Variants in IMMP1L observed in about 807,000 individuals in gnomAD.
IMMP1L encodes the protein mitochondrial inner membrane protease subunit 1.
IMMP1L carries 24 observed loss-of-function variants against 21.8 expected under a neutral mutation model. The observed-to-expected ratio is 1.10, with a 90% CI of 0.80 to 1.55. The LOEUF (loss-of-function observed/expected upper bound fraction) is 1.55, where lower values mean the gene tolerates loss of function less well. Ranked by LOEUF, IMMP1L falls within the 40% of genes most tolerant of loss-of-function variation. The pLI, the probability that IMMP1L is intolerant of heterozygous loss-of-function variation, is 0.00. For synonymous variants in IMMP1L, 46 were observed against 62.8 expected (o/e 0.73, Z 1.26); for missense variants, 195 against 200.7 (o/e 0.97, Z 0.17).
chr11:31,482,654 T>C lies in IMMP1L; in HGVS notation c.-29-19349A>G, dbSNP rs959946286. On this transcript the variant is annotated intron_variant, in intron 1 of 5. Coordinates refer to ENST00000532287, the MANE Select transcript of IMMP1L (RefSeq NM_001304274.2). ...AGTAAAATCATTACGGTACACTACT[T>C]TGTACCCACCAGAATTGGAAAAATG... is the stretch of plus-strand genomic sequence containing the variant. Among the ~76,000 whole-genome samples the C allele has an allele frequency of 3.9e-5, 6 of 151,958 alleles. No homozygotes were observed. The East Asian group carries it at 1.2e-3, about 29-fold the overall frequency.
chr11:31,470,537 C>T (rs1043960016), intron 1 of IMMP1L, among the ~76,000 whole-genome samples: 5 of 150,622 alleles, frequency 3.3e-5, no homozygotes, highest in African/African-American at 1.2e-4. Flanking sequence ...AAGACAATAA[C>T]AAAAATATTT....
At position 31,432,537 on chromosome 11, in the gene IMMP1L, C is replaced by A. The variant is rs372412278; in HGVS notation, c.464G>T (p.Arg155Leu). The A allele has an allele frequency of 2.2e-5, 35 of 1,612,974 alleles. No homozygotes were observed. Among genetic ancestry groups the A allele is most frequent in the Admixed American group, 3.3e-5 (2 of 59,990 alleles). The change falls in exon 6 of 6, where the codon CGT becomes CTT. Residue 155 changes from arginine to leucine, a missense_variant. Physicochemically the swap from Arg to Leu is moderately radical, Grantham distance 102 (BLOSUM62 -2). Coordinates refer to ENST00000532287, the MANE Select transcript of IMMP1L (RefSeq NM_001304274.2). Reference protein sequence around the residue: ...IWPLSDFGFLRASPNGHRFSD... With the variant: ...IWPLSDFGFLLASPNGHRFSD... Reference sequence around the variant, plus strand: ...AAATCTGTGGCCATTAGGGCTGGCACGTAAAAATCCAAAATCACTCAGAGG... The same window carrying A: ...AAATCTGTGGCCATTAGGGCTGGCAAGTAAAAATCCAAAATCACTCAGAGG...
intron 1 of IMMP1L, among the ~76,000 whole-genome samples, chr11:31,509,276 A>G (rs1955913461): frequency 6.6e-6 from 1 of 152,202 alleles, no homozygotes; most frequent in Non-Finnish European, 1.5e-5. Context: ...AAGGTAAGAG[A>G]TCCCATCCTT....
Position 31,497,648 on chromosome 11 carries a change from G to A in IMMP1L, c.-30+11871C>T, listed in dbSNP as rs191236568. Among the ~76,000 whole-genome samples, 41 of 152,208 alleles carry A rather than the reference G, an allele frequency of 2.7e-4. 1 individual carries two copies. Among genetic ancestry groups the A allele is most frequent in the South Asian group, 6.2e-4 (3 of 4,826 alleles). The stretch of plus-strand genomic sequence containing the variant: ...AGCTAATTTTTCTATTTTTAGTAGA[G>A]ACGGGGTTTCAGCATGTTAGCCAGT... On this transcript the variant is annotated intron_variant, in intron 1 of 5. Coordinates refer to ENST00000532287, the MANE Select transcript of IMMP1L (RefSeq NM_001304274.2).
intron 1 of IMMP1L, among the ~76,000 whole-genome samples, chr11:31,502,292 T>C (rs560804869): frequency 6.6e-6 from 1 of 152,334 alleles, no homozygotes; most frequent in Non-Finnish European, 1.5e-5. Context: ...CCATTAGTAA[T>C]TTTTTAAATT....
intron 1 of IMMP1L, among the ~76,000 whole-genome samples, chr11:31,505,463 C>G (rs1010758892): frequency 3.9e-5 from 6 of 152,150 alleles, no homozygotes; most frequent in African/African-American, 1.4e-4. Flanking sequence ...AGAAAACAAA[C>G]TGACATTAGG....
At chr11:31,490,301 G>A (rs1261881511) in intron 1 of IMMP1L, among the ~76,000 whole-genome samples, 1 of 151,936 alleles carries the variant, frequency 6.6e-6, no homozygotes, top group South Asian at 2.1e-4. Flanking sequence ...GTGAAAACGC[G>A]CCTCTGCTAA....
At position 31,469,486 on chromosome 11, in the gene IMMP1L, G is replaced by A. The variant is rs114402663; in HGVS notation, c.-29-6181C>T. Among the ~76,000 whole-genome samples the A allele has an allele frequency of 4.0e-3, 609 of 152,124 alleles. 6 individuals are homozygous for A. Among genetic ancestry groups the A allele is most frequent in the African/African-American group, 0.013 (541 of 41,508 alleles). ...AATTAATGCATTACATGAATATACC[G>A]GCAGATTCTGCCTACTAGGCTCAGC... is the stretch of plus-strand genomic sequence containing the variant. On this transcript the variant is annotated intron_variant, in intron 1 of 5. Transcript: ENST00000532287.
chr11:31,488,297 T>C (rs1200873010), intron 1 of IMMP1L: 1 of 152,098 alleles, frequency 6.6e-6, no homozygotes, highest in African/African-American at 2.4e-5. Context: ...CCATATTGAG[T>C]TGAATTAGTA....
At chr11:31,492,776 A>G (rs1955299652) in intron 1 of IMMP1L, among the ~76,000 whole-genome samples, 1 of 152,216 alleles carries the variant, frequency 6.6e-6, no homozygotes, top group African/African-American at 2.4e-5. Flanking sequence ...CAGCTGGTTG[A>G]TAGAACAGTT....
At chr11:31,472,572 T>A (rs568050460) in intron 1 of IMMP1L, among the ~76,000 whole-genome samples, 1 of 152,324 alleles carries the variant, frequency 6.6e-6, no homozygotes, top group East Asian at 1.9e-4. Context: ...AAATTCAGAA[T>A]CTGTTACTTT....
Position 31,433,445 on chromosome 11 carries a change from A to AAT in IMMP1L, c.432+14_432+15insAT. ...CTCAGAAAATAAACCTTACATTTTA[A>AAT]GCAGAAAATGGTACCTTAAAGAAGA... On this transcript the variant is annotated intron_variant, in intron 5 of 5. Transcript: ENST00000532287. The AAT allele has an allele frequency of 1.4e-6, 2 of 1,403,952 alleles. No individual in the cohort carries two copies. Among genetic ancestry groups the AAT allele is most frequent in the Non-Finnish European group, 2.0e-6 (2 of 1,013,066 alleles). The allele number at this position is 1,403,952 out of a possible 1,614,324, so 87.0% of individuals were successfully genotyped here.
At chr11:31,433,651 G>C (rs1222139082) in intron 4 of IMMP1L, 81 bp from the exon 5 acceptor site, 1 of 801,482 alleles carries the variant, frequency 1.2e-6, no homozygotes, top group Non-Finnish European at 2.0e-6. Flanking sequence ...TCATTCAGAG[G>C]TAGGGAGAAA....
intron 1 of IMMP1L, among the ~76,000 whole-genome samples, chr11:31,487,037 T>G (rs1955101214): frequency 6.8e-6 from 1 of 146,296 alleles, no homozygotes; most frequent in Non-Finnish European, 1.6e-5. Context: ...AATTTATAAT[T>G]ATTCATTGTA....
chr11:31,434,953 A>G (rs2133532097), intron 4 of IMMP1L, among the ~76,000 whole-genome samples: 1 of 152,294 alleles, frequency 6.6e-6, no homozygotes, highest in South Asian at 2.1e-4. Flanking sequence ...TGTACATCAC[A>G]GTCATCAAAA....
At chr11:31,497,210 G>C (rs1032500912) in intron 1 of IMMP1L, among the ~76,000 whole-genome samples, 1 of 151,320 alleles carries the variant, frequency 6.6e-6, no homozygotes, top group Admixed American at 6.6e-5. Flanking sequence ...AAGTCAAAGA[G>C]CATCTGCAAT....
At chr11:31,506,807 T>A (rs1223106) in intron 1 of IMMP1L, among the ~76,000 whole-genome samples, 97,567 of 149,972 alleles carry the variant, frequency 0.65, 33,348 homozygotes, top group African/African-American at 0.89. Context: ...TCAAAATACA[T>A]AAATTAGCTG....
intron 4 of IMMP1L, among the ~76,000 whole-genome samples, chr11:31,441,683 G>T (rs965941332): frequency 2.6e-5 from 4 of 151,880 alleles, no homozygotes; most frequent in African/African-American, 7.3e-5. Flanking sequence ...ATAGAAAAAA[G>T]AATTCTATAG....
chr11:31,433,464 A>G lies in IMMP1L; in HGVS notation c.428T>C (p.Phe143Ser). 1 of 1,550,506 alleles carries G rather than the reference A, an allele frequency of 6.4e-7. No homozygotes were observed. Among genetic ancestry groups the G allele is most frequent in the East Asian group, 2.3e-5 (1 of 44,034 alleles). Residue 143 changes from phenylalanine to serine, a missense_variant, in exon 5 of 6, where the codon TTT becomes TCT. Transcript: ENST00000532287. ...PYGLIRGRIF[F>S]KIWPLSDFGF... ...ATTTTAAGCAGAAAATGGTACCTTA[A>G]AGAAGATTCGTCCTCTTATTAGTCC...
Sources: gnomAD v4.1 joint callset for allele counts (sites outside exome capture counted in the v4.1 genomes callset) on GRCh38, gnomAD v4.1.1 for gene constraint, MANE v1.5 for transcripts, NCBI Gene and HGNC (gene_info 2026-07-23, HGNC 2026-07-21) for gene names.